Variants in P3H3 observed in about 807,000 individuals in gnomAD.
The protein encoded by P3H3 is gene rich cluster, B.
Under a neutral mutation model 78.1 loss-of-function variants are expected in P3H3, and 64 were observed. The ratio of observed to expected loss-of-function variants is 0.82; its 90% CI spans 0.67 to 1.01. P3H3 has a LOEUF of 1.01. Ranked by LOEUF, P3H3 falls within the 50% of genes least tolerant of loss-of-function variation. The probability of loss-of-function intolerance (pLI) is 0.00; values close to 1 mark genes in which losing one functional copy is unlikely to be tolerated. For missense variants in P3H3, 975 were observed against 982.2 expected, an observed-to-expected ratio of 0.99 and a Z score of 0.10; for synonymous variants, 425 against 416.7, an observed-to-expected ratio of 1.02 and a Z score of -0.24.
intron 11 of P3H3, 29 bp from the exon 12 acceptor site, chr12:6,837,703 A>C: frequency 6.3e-7 from 1 of 1,593,064 alleles, no homozygotes. Context: ...AGGGGCACAG[A>C]GGTACCCCCA....
chr12:6,828,653 C>T lies in P3H3; in HGVS notation c.213C>T (p.Gly71=), dbSNP rs2137955604. ...REALRSQAAL[G]RVRLDCGASC... ...CGCTGCGGAGCCAGGCGGCGCTGGG[C>T]CGGGTGCGGCTGGATTGCGGGGCGA... Residue 71 remains glycine (G), a synonymous_variant, in exon 1 of 15, where the codon GGC becomes GGT. Coordinates refer to ENST00000290510, the MANE Select transcript of P3H3 (RefSeq NM_014262.5). The T allele has an allele frequency of 2.4e-6, 3 of 1,227,240 alleles. No homozygotes were observed. Among genetic ancestry groups the T allele is most frequent in the Admixed American group, 4.3e-5 (1 of 23,096 alleles). 76.0% of individuals were successfully genotyped at this position (1,227,240 alleles called of 1,614,324 possible).
At position 6,837,438 on chromosome 12, in the gene P3H3, A is replaced by T. The variant is rs1943509938; in HGVS notation, c.1576A>T (p.Thr526Ser). The T allele has an allele frequency of 6.2e-7, 1 of 1,610,892 alleles. No homozygotes were observed. Among genetic ancestry groups the T allele is most frequent in the African/African-American group, 1.3e-5 (1 of 74,848 alleles). The change falls in exon 11 of 15, where the codon ACA becomes TCA. Residue 526 changes from threonine (T) to serine (S), a missense_variant. Coordinates refer to ENST00000290510, the MANE Select transcript of P3H3 (RefSeq NM_014262.5). ...LKAAQLARAG[T>S]VGSQGAKLLL... ...CTGCCTGCAGCTGGCCCGGGCTGGG[A>T]CAGTGGGCAGTCAGGGTGCTAAGCT... is the stretch of plus-strand genomic sequence containing the variant.
chr12:6,832,021 G>A (rs1438214262), intron 6 of P3H3, 107 bp downstream of exon 6: 1 of 695,804 alleles, frequency 1.4e-6, no homozygotes, highest in Non-Finnish European at 2.5e-6. Context: ...GCTTGGAGAA[G>A]AGTCTGCCAT....
chr12:6,830,146 C>T, intron 2 of P3H3, 135 bp downstream of exon 2: 1 of 1,214,816 alleles, frequency 8.2e-7, no homozygotes, highest in Non-Finnish European at 1.2e-6. Flanking sequence ...GGCTGGGAGT[C>T]CTTCTCTAGG....
rs1943541030 is a variant in P3H3 at position 6,839,645 on chromosome 12, T to C, written c.*184T>C. Reference sequence around the variant, plus strand: ...TCAGAGGACAGTGCACAGGCTAGCCTGGAGCTCACCAGGCCTGGGGAGCTG... The same window carrying C: ...TCAGAGGACAGTGCACAGGCTAGCCCGGAGCTCACCAGGCCTGGGGAGCTG... On this transcript the variant is annotated 3_prime_UTR_variant, in exon 15 of 15. Coordinates refer to ENST00000290510, the MANE Select transcript of P3H3 (RefSeq NM_014262.5). 7.8e-6 allele frequency: 6 copies of C among 766,670 alleles called. No homozygotes were observed. In the South Asian group the frequency reaches 1.0e-4, roughly 13 times the overall value. 47.5% of individuals were successfully genotyped at this position (766,670 alleles called of 1,614,324 possible).
Position 6,834,018 on chromosome 12 carries a change from C to T in P3H3, c.1427C>T (p.Ala476Val), listed in dbSNP as rs369844246. The T allele has an allele frequency of 1.1e-5, 17 of 1,613,630 alleles. No individual in the cohort carries two copies. Among genetic ancestry groups the T allele is most frequent in the Non-Finnish European group, 1.4e-5 (17 of 1,179,884 alleles). ...GTGTTGGATGGGCTGCTCACCCCAG[C>T]CGAGTGTGGGGTGCTGCTGCAGCTG... ...RAVLDGLLTP[A>V]ECGVLLQLAK... Residue 476 changes from alanine (A) to valine (V), a missense_variant, in exon 9 of 15, where the codon GCC becomes GTC. Transcript: ENST00000290510.
rs782067468 is a variant in P3H3, at chr12:6,831,417, A to G, written c.1122+65A>G. The G allele has an allele frequency of 1.7e-4, 272 of 1,596,484 alleles. 1 individual carries two copies. In the African/African-American group the frequency reaches 3.2e-3, roughly 19 times the overall value. On this transcript the variant is annotated intron_variant, in intron 5 of 14. Coordinates refer to ENST00000290510, the MANE Select transcript of P3H3 (RefSeq NM_014262.5). This position sits in a 1 kb window ranked among gnomAD's most constrained non-coding sequence, Gnocchi z 4.6. Reference sequence around the variant, plus strand: ...ATCAAACAAATAGACCTGAGAAGTAACCTGGACCCCCACCCCCCGCTGGCC... The same window carrying G: ...ATCAAACAAATAGACCTGAGAAGTAGCCTGGACCCCCACCCCCCGCTGGCC...
intron 9 of P3H3, 143 bp from the exon 10 acceptor site, chr12:6,836,842 A>G (rs1231345986): frequency 1.1e-5 from 7 of 626,162 alleles, no homozygotes; most frequent in East Asian, 1.1e-4. Context: ...AAAGAGCAGC[A>G]GCTCAGGAAG....
chr12:6,828,974 C>G (rs1943417668), intron 1 of P3H3, 36 bp downstream of exon 1: 19 of 1,115,108 alleles, frequency 1.7e-5, no homozygotes, highest in Non-Finnish European at 1.9e-5. Context: ...AGGGTCCCAG[C>G]CCTCACCACG....
chr12:6,837,100 G>T lies in P3H3; in HGVS notation c.1560+14G>T. On this transcript the variant is annotated intron_variant, in intron 10 of 14. Coordinates refer to ENST00000290510, the MANE Select transcript of P3H3 (RefSeq NM_014262.5). ...AAGGCTGCGCAGGTGAGCACAGGAGGCACCCGGGCCCGTCTGATGCCCAGA... is the reference window on the plus strand; with the variant it reads ...AAGGCTGCGCAGGTGAGCACAGGAGTCACCCGGGCCCGTCTGATGCCCAGA... The T allele has an allele frequency of 6.3e-7, 1 of 1,592,774 alleles. No homozygotes were observed. Among genetic ancestry groups the T allele is most frequent in the African/African-American group, 1.3e-5 (1 of 74,866 alleles).
rs371783399 is a variant in P3H3 at position 6,839,074 on chromosome 12, C to T, written c.1980C>T (p.Ala660=). ...TCGAGAATCCCCATGGGGTGTGGGC[C>T]GTGACTCGGGGACGGCGCTGTGCCC... ...SGVENPHGVW[A]VTRGRRCALA... Residue 660 remains alanine (A), a synonymous_variant, in exon 14 of 15, where the codon GCC becomes GCT. Transcript: ENST00000290510. 64 of 1,611,780 alleles carry T rather than the reference C, an allele frequency of 4.0e-5. No homozygotes were observed. The highest frequency in any genetic ancestry group is 1.7e-4 in the Middle Eastern group (1 of 6,056).
Position 6,830,339 on chromosome 12 carries a change from C to T in P3H3, c.652-14C>T, listed in dbSNP as rs1555121114. 24 of 1,567,358 alleles carry T rather than the reference C, an allele frequency of 1.5e-5. No homozygotes were observed. Among genetic ancestry groups the T allele is most frequent in the Non-Finnish European group, 2.1e-5 (24 of 1,157,394 alleles). On this transcript the variant is annotated splice_polypyrimidine_tract_variant and intron_variant, in intron 2 of 14. Coordinates refer to ENST00000290510, the MANE Select transcript of P3H3 (RefSeq NM_014262.5). ...CCTGGATCTTAGGTGACTGACTGCT[C>T]CCTTCCCCAACAGGCAGCCTATGAC... is the stretch of plus-strand genomic sequence containing the variant.
In P3H3 at chr12:6,829,108, T is replaced by C; in HGVS notation, c.498+170T>C. 2.4e-6 allele frequency: 1 copy of C among 414,246 alleles called. No homozygotes were observed. Among genetic ancestry groups the C allele is most frequent in the Non-Finnish European group, 4.1e-6 (1 of 241,630 alleles). 25.7% of individuals were successfully genotyped at this position (414,246 alleles called of 1,614,324 possible). A position where few individuals can be genotyped will look rare whatever the true frequency, so the allele number is the denominator to read the frequency against. ...TGGCTAAGCGACCGCGAGGACCTCT[T>C]GAGATCGCAGAGGAGCAGCCGAGGG... On this transcript the variant is annotated intron_variant, in intron 1 of 14. Coordinates refer to ENST00000290510, the MANE Select transcript of P3H3 (RefSeq NM_014262.5). The surrounding 1 kb of genome is among the most constrained non-coding windows in gnomAD (Gnocchi z 5.1).
Position 6,831,428 on chromosome 12 carries a change from C to G in P3H3, c.1122+76C>G. 1 of 1,579,148 alleles carries G rather than the reference C, an allele frequency of 6.3e-7. No homozygotes were observed. ...AGACCTGAGAAGTAACCTGGACCCCCACCCCCCGCTGGCCTCTTACCCGAG... is the reference window on the plus strand; with the variant it reads ...AGACCTGAGAAGTAACCTGGACCCCGACCCCCCGCTGGCCTCTTACCCGAG... On this transcript the variant is annotated intron_variant, in intron 5 of 14. Transcript: ENST00000290510. This position sits in a 1 kb window ranked among gnomAD's most constrained non-coding sequence, Gnocchi z 4.6.
rs2137971823 is a variant in P3H3 at position 6,839,665 on chromosome 12, G to A, written c.*204G>A. ...TAGCCTGGAGCTCACCAGGCCTGGG[G>A]AGCTGGGACGGGGCCCCGCTGCCGG... On this transcript the variant is annotated 3_prime_UTR_variant, in exon 15 of 15. Coordinates refer to ENST00000290510, the MANE Select transcript of P3H3 (RefSeq NM_014262.5). 4.4e-6 allele frequency: 3 copies of A among 682,528 alleles called. No homozygotes were observed. Among genetic ancestry groups the A allele is most frequent in the South Asian group, 4.4e-5 (2 of 45,374 alleles). The allele number at this position is 682,528 out of a possible 1,614,324, so 42.3% of individuals were successfully genotyped here.
intron 2 of P3H3, 119 bp downstream of exon 2, chr12:6,830,130 G>A (rs942142879): frequency 3.8e-6 from 5 of 1,330,464 alleles, no homozygotes; most frequent in Non-Finnish European, 5.2e-6. Flanking sequence ...GATCCTCAGC[G>A]ACCCTGGCTG....
chr12:6,832,243 T>C lies in P3H3; in HGVS notation c.1212+329T>C, dbSNP rs782092500. Among the ~76,000 whole-genome samples the C allele has an allele frequency of 2.2e-4, 34 of 152,342 alleles. 1 individual carries two copies. The South Asian group carries it at 6.4e-3, about 29-fold the overall frequency. On this transcript the variant is annotated intron_variant, in intron 6 of 14. Transcript: ENST00000290510. ...TGATAACAAAATATAGAAAGCTCTG[T>C]TACTGCTGCTTTTATTTCTCTTCTT... is the stretch of plus-strand genomic sequence containing the variant.
Position 6,833,753 on chromosome 12 carries a change from A to AG in P3H3, c.1278dup (p.Lys427GlufsTer7), listed in dbSNP as rs782439689. 1 of 1,610,006 alleles carries AG rather than the reference A, an allele frequency of 6.2e-7. No homozygotes were observed. Among genetic ancestry groups the AG allele is most frequent in the Non-Finnish European group, 8.5e-7 (1 of 1,176,320 alleles). ...CTCTCACCCCTGAGAGAGGATCAAG[A>AG]GAAGAGGCCTTGGGACCATGAGCCC... On this transcript the variant is annotated frameshift_variant, in exon 8 of 15. Transcript: ENST00000290510. LOFTEE classifies it high-confidence loss of function.
At position 6,839,079 on chromosome 12, in the gene P3H3, C is replaced by T. The variant is rs782158152; in HGVS notation, c.1985C>T (p.Thr662Ile). 2 of 1,611,484 alleles carry T rather than the reference C, an allele frequency of 1.2e-6. No individual in the cohort carries two copies. Among genetic ancestry groups the T allele is most frequent in the South Asian group, 1.1e-5 (1 of 90,958 alleles). Residue 662 changes from threonine (T) to isoleucine (I), a missense_variant, in exon 14 of 15, where the codon ACT becomes ATT. Physicochemically the swap from Thr to Ile is moderately conservative, Grantham distance 89. Coordinates refer to ENST00000290510, the MANE Select transcript of P3H3 (RefSeq NM_014262.5). Reference protein sequence around the residue: ...VENPHGVWAVTRGRRCALALW... With the variant: ...VENPHGVWAVIRGRRCALALW... The stretch of plus-strand genomic sequence containing the variant: ...AATCCCCATGGGGTGTGGGCCGTGA[C>T]TCGGGGACGGCGCTGTGCCCTGGCA...
Sources: gnomAD v4.1 joint callset for allele counts (sites outside exome capture counted in the v4.1 genomes callset) on GRCh38, gnomAD v4.1.1 for gene constraint, Gnocchi (gnomAD v3.1) non-coding constraint, MANE v1.5 for transcripts, NCBI Gene and HGNC (gene_info 2026-07-23, HGNC 2026-07-21) for gene names.